The following KANSL1 variants were observed in gnomAD, a reference collection of about 807,000 sequenced individuals.
KANSL1 encodes the protein KAT8 regulatory NSL complex subunit 1, also known as MLL1/MLL complex subunit KANSL1.
In KANSL1, 22 loss-of-function variants were observed where a neutral mutation model predicts 103.6. That is an observed-to-expected ratio of 0.21 (90% CI 0.15 to 0.30). The LOEUF (loss-of-function observed/expected upper bound fraction) is 0.30, where lower values mean the gene tolerates loss of function less well. Ranked by LOEUF, KANSL1 falls within the 10% of genes least tolerant of loss-of-function variation. The probability of loss-of-function intolerance (pLI) is 1.00; values close to 1 mark genes in which losing one functional copy is unlikely to be tolerated. For synonymous variants in KANSL1, 600 were observed against 527.6 expected (o/e 1.14, Z -1.88); for missense variants, 1,337 against 1,399.8 (o/e 0.96, Z 0.72).
At chr17:46,077,225 T>A (rs1230899941) in intron 4 of KANSL1, among the ~76,000 whole-genome samples, 1 of 152,156 alleles carries the variant, frequency 6.6e-6, no homozygotes, top group African/African-American at 2.4e-5. Flanking sequence ...CTCATTTTTG[T>A]ATTTTTTTGT....
chr17:46,150,278 T>C (rs1210189303), intron 2 of KANSL1, among the ~76,000 whole-genome samples: 1 of 152,014 alleles, frequency 6.6e-6, no homozygotes, highest in Non-Finnish European at 1.5e-5. Flanking sequence ...TCTAAACACC[T>C]ACATCTCCCT....
At chr17:46,139,352 T>C (rs953970108) in intron 2 of KANSL1, among the ~76,000 whole-genome samples, 1 of 151,876 alleles carries the variant, frequency 6.6e-6, no homozygotes, top group South Asian at 2.1e-4. Context: ...ATGACAAATA[T>C]AATTAAATAC....
chr17:46,106,330 G>A (rs934800702), intron 2 of KANSL1, among the ~76,000 whole-genome samples: 2 of 152,268 alleles, frequency 1.3e-5, no homozygotes, highest in Middle Eastern at 3.4e-3. Context: ...TAAGTCTCAC[G>A]TACCTTTATG....
At position 46,030,126 on chromosome 17, in the gene KANSL1, T is replaced by G. The variant is rs886053062; in HGVS notation, c.*1350A>C. 6.7e-6 allele frequency: 1 copy of G among 150,134 alleles called. No homozygotes were observed. Among genetic ancestry groups the G allele is most frequent in the Admixed American group, 6.8e-5 (1 of 14,802 alleles). The allele number at this position is 150,134 out of a possible 1,614,324, so 9.3% of individuals were successfully genotyped here. A position where few individuals can be genotyped will look rare whatever the true frequency, so the allele number is the denominator to read the frequency against. ...AAATATTTACAAAATACAAGGTTTT[T>G]TTTTTCCATTTTTTGTTTTTGTTTT... On this transcript the variant is annotated 3_prime_UTR_variant, in exon 15 of 15. Transcript: ENST00000432791.
intron 3 of KANSL1, among the ~76,000 whole-genome samples, chr17:46,083,587 C>T (rs562106750): frequency 5.2e-4 from 79 of 152,150 alleles, no homozygotes; most frequent in African/African-American, 1.9e-3. Flanking sequence ...TCCCCCACCC[C>T]GCCAACCCCA....
intron 2 of KANSL1, among the ~76,000 whole-genome samples, chr17:46,130,533 T>C (rs960602835): frequency 2.0e-5 from 3 of 146,796 alleles, no homozygotes; most frequent in East Asian, 1.9e-4. Context: ...GTTTCATACA[T>C]ACAAACAGTT....
rs1196910599 is a variant in KANSL1 at position 46,030,344 on chromosome 17, T to C, written c.*1132A>G. Reference sequence around the variant, plus strand: ...AAACCCCAACCATTAAGCAGTTGTCTACTATTTTTATACGATTACAAAATG... The same window carrying C: ...AAACCCCAACCATTAAGCAGTTGTCCACTATTTTTATACGATTACAAAATG... On this transcript the variant is annotated 3_prime_UTR_variant, in exon 15 of 15. Transcript: ENST00000432791. The C allele has an allele frequency of 4.6e-5, 7 of 152,106 alleles. No individual in the cohort carries two copies. Among genetic ancestry groups the C allele is most frequent in the African/African-American group, 1.4e-4 (6 of 41,418 alleles). The allele number at this position is 152,106 out of a possible 1,614,324, so 9.4% of individuals were successfully genotyped here.
intron 6 of KANSL1, among the ~76,000 whole-genome samples, chr17:46,063,688 A>C (rs1381190901): frequency 6.6e-6 from 1 of 152,230 alleles, no homozygotes; most frequent in African/African-American, 2.4e-5. Flanking sequence ...TGCCTAAGCT[A>C]CCTTTTATAA....
At position 46,031,275 on chromosome 17, in the gene KANSL1, G is replaced by C; in HGVS notation, c.*201C>G. On this transcript the variant is annotated 3_prime_UTR_variant, in exon 15 of 15. Transcript: ENST00000432791. ...TTTGCCAACGGGAGGAAGTGCTCAG[G>C]TGTGTGACAAGAAAACATGGAAACA... 1 of 620,490 alleles carries C rather than the reference G, an allele frequency of 1.6e-6. No individual in the cohort carries two copies. 38.4% of individuals were successfully genotyped at this position (620,490 alleles called of 1,614,324 possible).
chr17:46,086,159 T>C (rs1342497003), intron 3 of KANSL1, among the ~76,000 whole-genome samples: 1 of 150,892 alleles, frequency 6.6e-6, no homozygotes, highest in African/African-American at 2.4e-5. Flanking sequence ...AATTTTTCTT[T>C]TTCAGTTATA....
chr17:46,092,101 C>T (rs1312025393), intron 3 of KANSL1, among the ~76,000 whole-genome samples: 1 of 152,216 alleles, frequency 6.6e-6, no homozygotes, highest in African/African-American at 2.4e-5. Flanking sequence ...TCCCAAAGTG[C>T]TGAGATTACA....
chr17:46,114,785 C>G (rs980587514), intron 2 of KANSL1, among the ~76,000 whole-genome samples: 9 of 152,170 alleles, frequency 5.9e-5, no homozygotes, highest in Admixed American at 5.9e-4. Flanking sequence ...TAACTAGTTC[C>G]CCAGCAGAAG....
chr17:46,136,240 A>C (rs2044134731), intron 2 of KANSL1, among the ~76,000 whole-genome samples: 1 of 152,186 alleles, frequency 6.6e-6, no homozygotes, highest in African/African-American at 2.4e-5. Flanking sequence ...AGAATTCCTA[A>C]TCTATACATT....
intron 1 of KANSL1, among the ~76,000 whole-genome samples, chr17:46,219,178 C>T (rs1567814416): frequency 2.0e-5 from 3 of 150,754 alleles, no homozygotes; most frequent in Non-Finnish European, 4.4e-5. Context: ...GCAGGAGAAT[C>T]ACTTGAACCC....
At chr17:46,146,820 G>A (rs983664487) in intron 2 of KANSL1, among the ~76,000 whole-genome samples, 3 of 95,332 alleles carry the variant, frequency 3.1e-5, no homozygotes, top group Admixed American at 1.2e-4. Context: ...GCGACAGAGC[G>A]AGACTCCGTC....
intron 1 of KANSL1, among the ~76,000 whole-genome samples, chr17:46,210,723 T>C (rs1244642390): frequency 2.0e-5 from 3 of 152,122 alleles, no homozygotes; most frequent in East Asian, 1.9e-4. Context: ...TTCCTAATAA[T>C]GAAATACCAC....
At chr17:46,073,642 G>A (rs192832061) in intron 4 of KANSL1, among the ~76,000 whole-genome samples, 8 of 151,918 alleles carry the variant, frequency 5.3e-5, no homozygotes, top group East Asian at 1.9e-4. Context: ...TTAACAATGC[G>A]GGGTGGGGAA....
chr17:46,111,520 A>G (rs546948764), intron 2 of KANSL1, among the ~76,000 whole-genome samples: 1 of 152,312 alleles, frequency 6.6e-6, no homozygotes, highest in African/African-American at 2.4e-5. Flanking sequence ...GAAAGAGAAT[A>G]TTAAGGAAGA....
intron 2 of KANSL1, among the ~76,000 whole-genome samples, chr17:46,121,154 G>C (rs558554492): frequency 1.3e-5 from 2 of 151,656 alleles, no homozygotes; most frequent in South Asian, 4.1e-4. Context: ...TCTCTCACTA[G>C]GTTATTATAG....
Sources: gnomAD v4.1 joint callset for allele counts (sites outside exome capture counted in the v4.1 genomes callset) on GRCh38, gnomAD v4.1.1 for gene constraint, MANE v1.5 for transcripts, NCBI Gene and HGNC (gene_info 2026-07-23, HGNC 2026-07-21) for gene names.